The following ADAM12 variants were observed in gnomAD, a reference collection of about 807,000 sequenced individuals.
The protein encoded by ADAM12 is disintegrin and metalloproteinase domain-containing protein 12.
A neutral mutation model predicts 106.4 loss-of-function variants in ADAM12; 70 were observed. The ratio of observed to expected loss-of-function variants is 0.66; its 90% CI spans 0.54 to 0.80. The LOEUF (loss-of-function observed/expected upper bound fraction) is 0.80, where lower values mean the gene tolerates loss of function less well. Among genes scored for constraint, ADAM12 ranks in the 30% least tolerant of loss-of-function variants. The probability of loss-of-function intolerance (pLI) is 0.00; values close to 1 mark genes in which losing one functional copy is unlikely to be tolerated. For missense variants in ADAM12, 1,010 were observed against 1,171.9 expected, an observed-to-expected ratio of 0.86 and a Z score of 2.02; for synonymous variants, 420 against 433.5, an observed-to-expected ratio of 0.97 and a Z score of 0.39.
intron 2 of ADAM12, among the ~76,000 whole-genome samples, chr10:126,307,015 G>A (rs531944083): frequency 3.3e-5 from 5 of 152,078 alleles, no homozygotes; most frequent in East Asian, 3.9e-4. Context: ...ACTTTTCACC[G>A]TTCCATGTGG....
intron 3 of ADAM12, among the ~76,000 whole-genome samples, chr10:126,171,670 C>A (rs185301677): frequency 6.6e-6 from 1 of 152,340 alleles, no homozygotes; most frequent in Non-Finnish European, 1.5e-5. Context: ...GACTTCACTT[C>A]TCTGGATGGG....
rs779752242 is a variant in ADAM12, at chr10:126,053,444, G to A, written c.1610-3775C>T. Among the ~76,000 whole-genome samples the A allele has an allele frequency of 1.2e-4, 19 of 152,022 alleles. No homozygotes were observed. The highest frequency in any genetic ancestry group is 3.9e-4 in the Admixed American group (6 of 15,260). The stretch of plus-strand genomic sequence containing the variant: ...CCAATAACGCAGAAGCATGGTACAC[G>A]CCCCAGCAGAAGGCCACCTGGCATT... On this transcript the variant is annotated intron_variant, in intron 14 of 22. Transcript: ENST00000448723. This position sits in a 1 kb window ranked among gnomAD's most constrained non-coding sequence, Gnocchi z 4.6.
At chr10:126,022,451 C>T (rs1236657022) in intron 21 of ADAM12, among the ~76,000 whole-genome samples, 2 of 152,156 alleles carry the variant, frequency 1.3e-5, no homozygotes, top group Non-Finnish European at 2.9e-5. Flanking sequence ...GGCTTCCTGC[C>T]AGGGCTTAAC....
chr10:126,232,676 T>C (rs1419512706), intron 3 of ADAM12, among the ~76,000 whole-genome samples: 1 of 152,182 alleles, frequency 6.6e-6, no homozygotes, highest in Non-Finnish European at 1.5e-5. Flanking sequence ...TTCATCAGTC[T>C]TTTTCTCTTA....
intron 6 of ADAM12, among the ~76,000 whole-genome samples, chr10:126,116,373 G>C (rs1348373341): frequency 6.6e-6 from 1 of 152,146 alleles, no homozygotes; most frequent in Admixed American, 6.5e-5. Context: ...TCTTCTCCAA[G>C]GTTTGGAATC....
At chr10:126,055,230 T>C (rs1226993996) in intron 14 of ADAM12, among the ~76,000 whole-genome samples, 3 of 152,160 alleles carry the variant, frequency 2.0e-5, no homozygotes, top group Non-Finnish European at 2.9e-5. Flanking sequence ...CTGGGAACCC[T>C]CCTGGCCTGG....
Position 126,077,084 on chromosome 10 carries a change from C to T in ADAM12, c.1146-5430G>A, listed in dbSNP as rs367580473. 1.2e-3 allele frequency among the ~76,000 whole-genome samples: 189 copies of T among 152,172 alleles called. 3 individuals are homozygous for T. In the South Asian group the frequency reaches 0.024, roughly 20 times the overall value. ...AGGATACAAAATCAATGTACAAAAA[C>T]CAGTAGCATTTCTCTACACCAATAA... On this transcript the variant is annotated intron_variant, in intron 11 of 22. Coordinates refer to ENST00000448723, the MANE Select transcript of ADAM12 (RefSeq NM_001288973.2).
chr10:126,284,289 C>T (rs1439395689), intron 2 of ADAM12, among the ~76,000 whole-genome samples: 1 of 138,536 alleles, frequency 7.2e-6, no homozygotes, highest in Non-Finnish European at 1.5e-5. Context: ...GCTGAGATCA[C>T]GTCACTGCAC....
intron 6 of ADAM12, among the ~76,000 whole-genome samples, chr10:126,113,688 ATATATATATATAT>A (rs1420876308): frequency 0.012 from 123 of 10,148 alleles, 2 homozygotes; most frequent in Admixed American, 0.015. Context: ...AAAAAAAAAA[ATATATATATATAT>A]ATATATATAT....
At chr10:126,244,485 T>G (rs763024649) in intron 3 of ADAM12, among the ~76,000 whole-genome samples, 10 of 152,204 alleles carry the variant, frequency 6.6e-5, no homozygotes, top group Non-Finnish European at 1.2e-4. Context: ...AAACTCTGAC[T>G]GACTGACTGA....
intron 3 of ADAM12, among the ~76,000 whole-genome samples, chr10:126,193,264 CAAAAAAAAAAAAAAA>C (rs757716875): frequency 1.9e-4 from 5 of 26,630 alleles, no homozygotes; most frequent in African/African-American, 2.6e-4. Flanking sequence ...GACTCCATCT[CAAAAAAAAAAAAAAA>C]AAAAAAAAAA....
At chr10:126,104,606 G>C (rs557329318) in intron 8 of ADAM12, among the ~76,000 whole-genome samples, 1 of 152,098 alleles carries the variant, frequency 6.6e-6, no homozygotes, top group South Asian at 2.1e-4. Context: ...CAAACTCCAC[G>C]ATAGCTCCAT....
At chr10:126,268,931 T>C (rs1171792975) in intron 3 of ADAM12, among the ~76,000 whole-genome samples, 1 of 152,144 alleles carries the variant, frequency 6.6e-6, no homozygotes, top group Non-Finnish European at 1.5e-5. Flanking sequence ...AAGTCCACAG[T>C]TCAAGGCAAA....
In ADAM12 at chr10:126,118,243, G is replaced by C; in HGVS notation, c.417-19C>G. 6.3e-7 allele frequency: 1 copy of C among 1,581,962 alleles called. No homozygotes were observed. Among genetic ancestry groups the C allele is most frequent in the East Asian group, 2.3e-5 (1 of 44,340 alleles). On this transcript the variant is annotated intron_variant, in intron 5 of 22. Transcript: ENST00000448723. ...AAGTCCCCTGTTGAAAAAGAAACAAGAAAAAATATATAATTTTAAGGACAG... is the reference window on the plus strand; with the variant it reads ...AAGTCCCCTGTTGAAAAAGAAACAACAAAAAATATATAATTTTAAGGACAG...
Position 126,049,114 on chromosome 10 carries a change from T to C in ADAM12, c.1917+139A>G, listed in dbSNP as rs1167718818. On this transcript the variant is annotated intron_variant, in intron 16 of 22. Transcript: ENST00000448723. The surrounding 1 kb of genome is among the most constrained non-coding windows in gnomAD (Gnocchi z 4.4). The stretch of plus-strand genomic sequence containing the variant: ...TAGTCAGACCAGGATCTAGGATTTA[T>C]TGACTTTTTCTTCTAGGTGCATCTG... The C allele has an allele frequency of 2.7e-6, 3 of 1,127,390 alleles. No individual in the cohort carries two copies. The highest frequency in any genetic ancestry group is 2.6e-6 in the Non-Finnish European group (2 of 779,306). The allele number at this position is 1,127,390 out of a possible 1,614,324, so 69.8% of individuals were successfully genotyped here.
At position 126,046,070 on chromosome 10, in the gene ADAM12, C is replaced by T; in HGVS notation, c.1980G>A (p.Gln660=). ...GCCTACTCACCCCTCTGCCGTGGCA[C>T]TGCATTGCACACTCGTGAACCCCAA... The part of the protein sequence containing the change: ...SVFGVHECAM[Q]CHGRGVCNNR... The change falls in exon 17 of 23, where the codon CAG becomes CAA. Residue 660 remains glutamine (Q), a synonymous_variant. Transcript: ENST00000448723. 1 of 1,614,198 alleles carries T rather than the reference C, an allele frequency of 6.2e-7. No individual in the cohort carries two copies. Among genetic ancestry groups the T allele is most frequent in the Non-Finnish European group, 8.5e-7 (1 of 1,180,012 alleles).
chr10:126,180,247 G>T (rs1039840253), intron 3 of ADAM12, among the ~76,000 whole-genome samples: 1 of 152,162 alleles, frequency 6.6e-6, no homozygotes, highest in Non-Finnish European at 1.5e-5. Flanking sequence ...GTAACCAGCC[G>T]GATTAAGGTT....
chr10:126,303,357 A>AT (rs1182996979), intron 2 of ADAM12, among the ~76,000 whole-genome samples: 2 of 152,196 alleles, frequency 1.3e-5, no homozygotes, highest in Admixed American at 1.3e-4. Flanking sequence ...CAAAACTGTC[A>AT]TTTTCCCTTT....
intron 1 of ADAM12, among the ~76,000 whole-genome samples, chr10:126,373,693 A>G (rs958966044): frequency 6.6e-6 from 1 of 152,248 alleles, no homozygotes; most frequent in Non-Finnish European, 1.5e-5. Flanking sequence ...CTGAAAACAC[A>G]GTGGACTGAG....
Sources: allele counts gnomAD v4.1 joint callset (sites outside exome capture counted in the v4.1 genomes callset), GRCh38; gene constraint gnomAD v4.1.1; non-coding constraint Gnocchi (gnomAD v3.1); transcripts MANE v1.5; gene names NCBI Gene and HGNC (gene_info 2026-07-23, HGNC 2026-07-21).